TTC21B: variants seen among roughly 807,000 people sequenced by gnomAD.
TTC21B encodes tetratricopeptide repeat domain 21B, also known as tetratricopeptide repeat protein 21B.
Under a neutral mutation model 175.1 loss-of-function variants are expected in TTC21B, and 127 were observed. The ratio of observed to expected loss-of-function variants is 0.73; its 90% CI spans 0.63 to 0.84. The LOEUF (loss-of-function observed/expected upper bound fraction) is 0.84, where lower values mean the gene tolerates loss of function less well. Among genes scored for constraint, TTC21B ranks in the 40% least tolerant of loss-of-function variants. The probability of loss-of-function intolerance (pLI) is 0.00; values close to 1 mark genes in which losing one functional copy is unlikely to be tolerated. For missense variants in TTC21B, 1,561 were observed against 1,558.3 expected, an observed-to-expected ratio of 1.00 and a Z score of -0.03; for synonymous variants, 524 against 524.5, an observed-to-expected ratio of 1.00 and a Z score of 0.01.
Position 165,916,824 on chromosome 2 carries a change from T to C in TTC21B, c.1899+433A>G, listed in dbSNP as rs568718986. 1.2e-4 allele frequency among the ~76,000 whole-genome samples: 19 copies of C among 152,292 alleles called. 1 individual carries two copies. The East Asian group carries it at 3.5e-3, about 28-fold the overall frequency. ...GAAGTTTATTTTTAGTGCAAGGTAA[T>C]GAAAATTAAATTTTTCTAAAGTTTA... On this transcript the variant is annotated intron_variant, in intron 14 of 28. Transcript: ENST00000243344.
At position 165,916,070 on chromosome 2, in the gene TTC21B, C is replaced by T. The variant is rs879449519; in HGVS notation, c.1900-631G>A. Among the ~76,000 whole-genome samples the T allele has an allele frequency of 9.2e-5, 14 of 152,238 alleles. No homozygotes were observed. The East Asian group carries it at 2.5e-3, about 27-fold the overall frequency. ...GGCCGAGCTGGGTGGATCACTTAAG[C>T]CCAGTAGTTTGAGACCATCCTGCAT... On this transcript the variant is annotated intron_variant, in intron 14 of 28. Transcript: ENST00000243344.
intron 12 of TTC21B, among the ~76,000 whole-genome samples, chr2:165,919,738 T>C (rs537286429): frequency 1.3e-5 from 2 of 152,132 alleles, no homozygotes; most frequent in Admixed American, 1.3e-4. Context: ...TTATTTTCCT[T>C]GTCAAAAAAA....
chr2:165,893,056 T>G (rs1399119682), intron 22 of TTC21B, among the ~76,000 whole-genome samples: 2 of 152,148 alleles, frequency 1.3e-5, no homozygotes, highest in Admixed American at 1.3e-4. Context: ...AAGGGCACAA[T>G]AAGAATATGG....
intron 25 of TTC21B, among the ~76,000 whole-genome samples, chr2:165,884,738 GA>G (rs1684949503): frequency 6.6e-6 from 1 of 152,184 alleles, no homozygotes; most frequent in South Asian, 2.1e-4. Flanking sequence ...ATAGGTTAAT[GA>G]GAACTCATAA....
intron 27 of TTC21B, among the ~76,000 whole-genome samples, chr2:165,876,676 T>C (rs890968468): frequency 6.6e-6 from 1 of 152,226 alleles, no homozygotes; most frequent in African/African-American, 2.4e-5. Context: ...AAAAAGTACA[T>C]TTTAAAATAA....
rs1350223924 is a variant in TTC21B at position 165,874,730 on chromosome 2, A to G, written c.*25T>C. 2 of 1,599,944 alleles carry G rather than the reference A, an allele frequency of 1.3e-6. No individual in the cohort carries two copies. Among genetic ancestry groups the G allele is most frequent in the Admixed American group, 3.3e-5 (2 of 59,994 alleles). On this transcript the variant is annotated 3_prime_UTR_variant, in exon 29 of 29. Coordinates refer to ENST00000243344, the MANE Select transcript of TTC21B (RefSeq NM_024753.5). ...TTAGATTTCTTTCATTTCCTGTTAA[A>G]CCAACACCTAAGTTAAAATTATTTT...
At chr2:165,927,119 G>T (rs1335619672) in intron 11 of TTC21B, among the ~76,000 whole-genome samples, 1 of 9,522 alleles carries the variant, frequency 1.1e-4, no homozygotes, top group Non-Finnish European at 1.7e-4. Flanking sequence ...TATCCTAGTA[G>T]ATATATATAT....
intron 25 of TTC21B, 146 bp downstream of exon 25, chr2:165,888,133 T>A: frequency 3.1e-6 from 2 of 639,740 alleles, no homozygotes; most frequent in Non-Finnish European, 5.5e-6. Context: ...GAAGGGGACA[T>A]TGTGTATGCC....
At position 165,913,621 on chromosome 2, in the gene TTC21B, G is replaced by T; in HGVS notation, c.2164C>A (p.Pro722Thr). The part of the protein sequence containing the change: ...FREIAERMAN[P>T]RSFLLLGDAY... ...TCACCAAGGAGAAGAAAAGACCGAGGGTTAGCCATTCTTTCAGCAATTTCT... is the reference window on the plus strand; with the variant it reads ...TCACCAAGGAGAAGAAAAGACCGAGTGTTAGCCATTCTTTCAGCAATTTCT... The change falls in exon 16 of 29, where the codon CCT (proline) becomes ACT (threonine). Residue 722 changes from proline (P) to threonine (T), a missense_variant. By Grantham distance (38) the Pro-to-Thr change is conservative. Transcript: ENST00000243344. 1 of 1,612,786 alleles carries T rather than the reference G, an allele frequency of 6.2e-7. No homozygotes were observed. The highest frequency in any genetic ancestry group is 2.2e-5 in the East Asian group (1 of 44,776).
At chr2:165,917,801 G>T (rs933950676) in intron 13 of TTC21B, among the ~76,000 whole-genome samples, 5 of 152,284 alleles carry the variant, frequency 3.3e-5, no homozygotes, top group South Asian at 4.1e-4. Flanking sequence ...TTCAGGAAAA[G>T]AATTTCTTTA....
intron 3 of TTC21B, among the ~76,000 whole-genome samples, chr2:165,946,834 G>A (rs548523230): frequency 1.3e-5 from 2 of 152,012 alleles, no homozygotes; most frequent in South Asian, 4.2e-4. Flanking sequence ...GAGGTATATG[G>A]TTAAGGATCA....
intron 1 of TTC21B, among the ~76,000 whole-genome samples, chr2:165,952,661 T>C (rs1687794195): frequency 6.6e-6 from 1 of 152,172 alleles, no homozygotes; most frequent in Non-Finnish European, 1.5e-5. Flanking sequence ...TAAAAAAATG[T>C]AAGGATATAG....
Position 165,935,953 on chromosome 2 carries a change from T to C in TTC21B, c.711-2896A>G, listed in dbSNP as rs568865777. Among the ~76,000 whole-genome samples, 55 of 135,854 alleles carry C rather than the reference T, an allele frequency of 4.0e-4. No homozygotes were observed. In the Middle Eastern group the frequency reaches 0.015, roughly 37 times the overall value. 89.1% of individuals were successfully genotyped at this position (135,854 alleles called of 152,430 possible). ...TCCCAGCAAGTTATTTTGAGGATAT[T>C]GACAAACTCATCCTAAAGTTTATAC... On this transcript the variant is annotated intron_variant, in intron 6 of 28. Coordinates refer to ENST00000243344, the MANE Select transcript of TTC21B (RefSeq NM_024753.5).
intron 25 of TTC21B, among the ~76,000 whole-genome samples, chr2:165,886,998 TTGC>T (rs371977227): frequency 6.6e-6 from 1 of 152,108 alleles, no homozygotes; most frequent in South Asian, 2.1e-4. Flanking sequence ...CTTTGGAGGG[TTGC>T]TGCTGCCATG....
Position 165,949,646 on chromosome 2 carries a change from C to G in TTC21B, c.100G>C (p.Gly34Arg). 6.2e-7 allele frequency: 1 copy of G among 1,613,552 alleles called. No homozygotes were observed. The highest frequency in any genetic ancestry group is 8.5e-7 in the Non-Finnish European group (1 of 1,179,844). Reference sequence around the variant, plus strand: ...TAAAACCTGAAGACTGGATCACTTCCATACCTCTTAATTCCTTCACTGGCA... The same window carrying G: ...TAAAACCTGAAGACTGGATCACTTCGATACCTCTTAATTCCTTCACTGGCA... ...LVASEGIKRY[G>R]SDPVFRFYHA... Residue 34 changes from glycine (G) to arginine (R), a missense_variant, in exon 2 of 29, where the codon GGA (glycine) becomes CGA (arginine). Transcript: ENST00000243344.
intron 27 of TTC21B, among the ~76,000 whole-genome samples, chr2:165,878,680 ATTTT>A (rs60789699): frequency 1.5e-5 from 2 of 130,882 alleles, no homozygotes; most frequent in Admixed American, 7.9e-5. Flanking sequence ...CATGAGCACG[ATTTT>A]TTTTTTTTTT....
intron 19 of TTC21B, 135 bp downstream of exon 19, chr2:165,907,543 C>T: frequency 1.5e-6 from 1 of 677,984 alleles, no homozygotes; most frequent in Non-Finnish European, 2.7e-6. Context: ...CATAAGCATT[C>T]AATAAGTATT....
chr2:165,930,025 AAAGACATGAC>A, intron 9 of TTC21B, 137 bp downstream of exon 9: 14 of 740,164 alleles, frequency 1.9e-5, no homozygotes, highest in Admixed American at 2.9e-5. Context: ...TAAAAATTTT[AAAGACATGAC>A]TTTTTCGAGT....
At position 165,876,191 on chromosome 2, in the gene TTC21B, C is replaced by T. The variant is rs1559033853; in HGVS notation, c.3847G>A (p.Val1283Met). The change falls in exon 28 of 29, where the codon GTG (valine) becomes ATG (methionine). Residue 1283 changes from valine to methionine, a missense_variant. Val to Met is a conservative substitution (Grantham distance 21). Transcript: ENST00000243344. ...TGGTGACATATGTCAATTGAATCCA[C>T]ATATCTTTTTGCTTTTAAGTAATTA... ...AFNYLKAKRY[V>M]DSIDICHQVL... 1 of 1,604,184 alleles carries T rather than the reference C, an allele frequency of 6.2e-7. No homozygotes were observed. Among genetic ancestry groups the T allele is most frequent in the Non-Finnish European group, 8.5e-7 (1 of 1,172,608 alleles).
Sources: allele counts gnomAD v4.1 joint callset (sites outside exome capture counted in the v4.1 genomes callset), GRCh38; gene constraint gnomAD v4.1.1; transcripts MANE v1.5; gene names NCBI Gene and HGNC (gene_info 2026-07-23, HGNC 2026-07-21).